The following ZCCHC7 variants were observed in gnomAD, a reference collection of about 807,000 sequenced individuals.
ZCCHC7 encodes the protein zinc finger CCHC domain-containing protein 7.
Under a neutral mutation model 52.0 loss-of-function variants are expected in ZCCHC7, and 35 were observed. That is an observed-to-expected ratio of 0.67 (90% CI 0.51 to 0.89). The LOEUF (loss-of-function observed/expected upper bound fraction) is 0.89. Ranked by LOEUF, ZCCHC7 falls within the 40% of genes least tolerant of loss-of-function variation. The pLI, the probability that ZCCHC7 is intolerant of heterozygous loss-of-function variation, is 0.00. For missense variants in ZCCHC7, 574 were observed against 649.1 expected, an observed-to-expected ratio of 0.88 and a Z score of 1.26; for synonymous variants, 217 against 221.5, an observed-to-expected ratio of 0.98 and a Z score of 0.18.
chr9:37,319,295 C>G (rs1829959559), intron 5 of ZCCHC7, among the ~76,000 whole-genome samples: 1 of 152,054 alleles, frequency 6.6e-6, no homozygotes, highest in African/African-American at 2.4e-5. Flanking sequence ...TATGTGATTT[C>G]AAAATATTTT....
intron 2 of ZCCHC7, among the ~76,000 whole-genome samples, chr9:37,203,084 T>C (rs1015018612): frequency 3.3e-5 from 5 of 152,226 alleles, no homozygotes; most frequent in African/African-American, 1.2e-4. Flanking sequence ...CAGGGTGGTA[T>C]CTTGAACAAA....
chr9:37,195,545 T>A (rs1823248424), intron 2 of ZCCHC7, among the ~76,000 whole-genome samples: 1 of 152,088 alleles, frequency 6.6e-6, no homozygotes, highest in African/African-American at 2.4e-5. Context: ...CTGGGGTGAA[T>A]ATGAAATGTG....
chr9:37,121,413 G>T (rs1842311205), intron 1 of ZCCHC7, among the ~76,000 whole-genome samples: 1 of 152,130 alleles, frequency 6.6e-6, no homozygotes, highest in Admixed American at 6.5e-5. Flanking sequence ...ACTATAAAAC[G>T]AGAGCGTTCA....
intron 2 of ZCCHC7, among the ~76,000 whole-genome samples, chr9:37,198,507 T>C: frequency 6.6e-6 from 1 of 152,246 alleles, no homozygotes; most frequent in East Asian, 1.9e-4. Context: ...TACTTTGTGG[T>C]CACTTTTGCC....
chr9:37,208,260 T>G (rs1166559833), intron 2 of ZCCHC7, among the ~76,000 whole-genome samples: 1 of 152,142 alleles, frequency 6.6e-6, no homozygotes, highest in African/African-American at 2.4e-5. Context: ...AATTTTTGTA[T>G]TTTTAGTACA....
intron 2 of ZCCHC7, among the ~76,000 whole-genome samples, chr9:37,255,421 A>G (rs896469402): frequency 2.6e-5 from 4 of 152,120 alleles, no homozygotes; most frequent in African/African-American, 9.7e-5. Flanking sequence ...TATAGCATGG[A>G]TACACTGGAC....
At chr9:37,350,383 C>T (rs890601582) in intron 7 of ZCCHC7, among the ~76,000 whole-genome samples, 4 of 152,098 alleles carry the variant, frequency 2.6e-5, no homozygotes, top group African/African-American at 9.7e-5. Context: ...CCACCCGCCT[C>T]GGCCTCCAAA....
chr9:37,145,035 A>G (rs1843378589), intron 2 of ZCCHC7: 1 of 152,038 alleles, frequency 6.6e-6, no homozygotes, highest in African/African-American at 2.4e-5. Flanking sequence ...GGTTATTAAC[A>G]GGATTAAATG....
At chr9:37,272,515 G>GA (rs1827474283) in intron 2 of ZCCHC7, among the ~76,000 whole-genome samples, 2 of 93,148 alleles carry the variant, frequency 2.1e-5, no homozygotes, top group Non-Finnish European at 2.3e-5. Context: ...AAAAAAAAAA[G>GA]AAAGAAAGGA....
chr9:37,308,518 A>G (rs1274764416), intron 5 of ZCCHC7, among the ~76,000 whole-genome samples: 3 of 152,094 alleles, frequency 2.0e-5, no homozygotes, highest in African/African-American at 7.3e-5. Context: ...TGTTAATTCT[A>G]TAGGCCATTC....
At chr9:37,185,711 TC>T (rs1822615816) in intron 2 of ZCCHC7, among the ~76,000 whole-genome samples, 1 of 152,196 alleles carries the variant, frequency 6.6e-6, no homozygotes, top group South Asian at 2.1e-4. Flanking sequence ...CAAATTTTTT[TC>T]TTCTTTTTCT....
intron 2 of ZCCHC7, among the ~76,000 whole-genome samples, chr9:37,293,274 C>T (rs921479848): frequency 6.6e-6 from 1 of 152,026 alleles, no homozygotes; most frequent in African/African-American, 2.4e-5. Context: ...GCAAATTGTT[C>T]TGGATTTGTT....
At chr9:37,264,915 A>C (rs1827031075) in intron 2 of ZCCHC7, among the ~76,000 whole-genome samples, 1 of 152,184 alleles carries the variant, frequency 6.6e-6, no homozygotes, top group Non-Finnish European at 1.5e-5. Flanking sequence ...AATGTTTAGG[A>C]GTTAGCTTGT....
intron 2 of ZCCHC7, among the ~76,000 whole-genome samples, chr9:37,154,752 C>T (rs896226401): frequency 3.3e-5 from 5 of 152,146 alleles, no homozygotes; most frequent in Admixed American, 3.3e-4. Flanking sequence ...GCCTCTGCCT[C>T]CCCAATGCTG....
intron 6 of ZCCHC7, among the ~76,000 whole-genome samples, chr9:37,347,181 G>C (rs1178644221): frequency 1.3e-5 from 2 of 150,900 alleles, no homozygotes; most frequent in Non-Finnish European, 2.9e-5. Flanking sequence ...AGAGGTCTGT[G>C]TCCATCATCT....
At chr9:37,219,698 A>T (rs983406475) in intron 2 of ZCCHC7, among the ~76,000 whole-genome samples, 2 of 152,278 alleles carry the variant, frequency 1.3e-5, no homozygotes, top group African/African-American at 4.8e-5. Context: ...TGAAATGATT[A>T]TAGGACATTT....
intron 2 of ZCCHC7, among the ~76,000 whole-genome samples, chr9:37,278,225 G>T (rs886211115): frequency 1.2e-4 from 19 of 152,018 alleles, no homozygotes; most frequent in Non-Finnish European, 4.4e-5. Flanking sequence ...ACAACTGACT[G>T]ACAAGGATTT....
intron 2 of ZCCHC7, among the ~76,000 whole-genome samples, chr9:37,263,146 AT>A (rs1826945065): frequency 6.6e-6 from 1 of 151,896 alleles, no homozygotes; most frequent in Non-Finnish European, 1.5e-5. Context: ...CTATTCTTCA[AT>A]TCCTATTTCT....
chr9:37,143,273 A>G (rs1398422217), intron 2 of ZCCHC7, among the ~76,000 whole-genome samples: 3 of 151,806 alleles, frequency 2.0e-5, no homozygotes, highest in South Asian at 4.1e-4. Flanking sequence ...CTATTGAAGT[A>G]TGATCGAAAT....
Sources: allele counts gnomAD v4.1 joint callset (sites outside exome capture counted in the v4.1 genomes callset), GRCh38; gene constraint gnomAD v4.1.1; transcripts MANE v1.5; gene names NCBI Gene and HGNC (gene_info 2026-07-23, HGNC 2026-07-21).